PLXNA2: variants seen among roughly 807,000 people sequenced by gnomAD.
PLXNA2 encodes the protein plexin-A2.
Under a neutral mutation model 193.5 loss-of-function variants are expected in PLXNA2, and 91 were observed. The ratio of observed to expected loss-of-function variants is 0.47; its 90% CI spans 0.40 to 0.56. The LOEUF is 0.56. Among genes scored for constraint, PLXNA2 ranks in the 20% least tolerant of loss-of-function variants. The pLI is 0.00. For synonymous variants in PLXNA2, 997 were observed against 1,027.3 expected, an observed-to-expected ratio of 0.97 and a Z score of 0.56; for missense variants, 1,995 against 2,503.2, an observed-to-expected ratio of 0.80 and a Z score of 4.33.
chr1:208,148,446 T>C (rs1350203570), intron 3 of PLXNA2, among the ~76,000 whole-genome samples: 1 of 152,226 alleles, frequency 6.6e-6, no homozygotes, highest in Non-Finnish European at 1.5e-5. Context: ...ATTGGCTGTG[T>C]GACTTCAGGC....
At chr1:208,212,533 G>A (rs1346290059) in intron 2 of PLXNA2, among the ~76,000 whole-genome samples, 1 of 152,242 alleles carries the variant, frequency 6.6e-6, no homozygotes, top group Admixed American at 6.5e-5. Flanking sequence ...TGAAGCTGTG[G>A]TGTGCTGAAG....
chr1:208,114,884 G>A (rs938852602), intron 4 of PLXNA2, among the ~76,000 whole-genome samples: 3 of 152,196 alleles, frequency 2.0e-5, no homozygotes, highest in Admixed American at 6.5e-5. Context: ...TAGAGGGAGC[G>A]GGAGGGAGAT....
chr1:208,148,094 T>A (rs935770378), intron 3 of PLXNA2, among the ~76,000 whole-genome samples: 1 of 152,214 alleles, frequency 6.6e-6, no homozygotes, highest in African/African-American at 2.4e-5. Flanking sequence ...GAAATTAATG[T>A]CAGCTTCTTT....
At chr1:208,073,930 G>A (rs914035066) in intron 12 of PLXNA2, among the ~76,000 whole-genome samples, 9 of 152,090 alleles carry the variant, frequency 5.9e-5, no homozygotes, top group Admixed American at 4.6e-4. Flanking sequence ...CCCTCACAGC[G>A]CTCAGAAGGA....
At chr1:208,097,051 C>T (rs1333735994) in intron 6 of PLXNA2, among the ~76,000 whole-genome samples, 168 bp from the exon 7 acceptor site, 2 of 152,170 alleles carry the variant, frequency 1.3e-5, no homozygotes, top group African/African-American at 4.8e-5. Context: ...AAGTTACAGT[C>T]ATTAATTATT....
At position 208,027,252 on chromosome 1, in the gene PLXNA2, A is replaced by G; in HGVS notation, c.5676T>C (p.Ile1892=). 1 of 1,613,378 alleles carries G rather than the reference A, an allele frequency of 6.2e-7. No homozygotes were observed. Among genetic ancestry groups the G allele is most frequent in the Non-Finnish European group, 8.5e-7 (1 of 1,179,700 alleles). Reference sequence around the variant, plus strand: ...TGCGAGGCTCCTCCTCTCAGCTCTCAATGGACATGGCATTAATGAGCTGCT... The same window carrying G: ...TGCGAGGCTCCTCCTCTCAGCTCTCGATGGACATGGCATTAATGAGCTGCT... ...KVEQLINAMS[I]ES The change falls in exon 32 of 32, where the codon ATT becomes ATC. Residue 1892 remains isoleucine, a synonymous_variant. Coordinates refer to ENST00000367033, the MANE Select transcript of PLXNA2 (RefSeq NM_025179.4).
chr1:208,045,793 A>G (rs1313713320), intron 18 of PLXNA2, 85 bp downstream of exon 18: 2 of 1,520,704 alleles, frequency 1.3e-6, no homozygotes, highest in Non-Finnish European at 1.8e-6. Flanking sequence ...GGAGAGCCAG[A>G]AAGAAAGAAA....
intron 3 of PLXNA2, among the ~76,000 whole-genome samples, chr1:208,195,761 T>C (rs892677176): frequency 6.6e-6 from 1 of 151,342 alleles, no homozygotes; most frequent in Non-Finnish European, 1.5e-5. Flanking sequence ...CAGACATAAA[T>C]ACTGGGGAGG....
intron 8 of PLXNA2, among the ~76,000 whole-genome samples, chr1:208,095,435 C>T (rs1215182774): frequency 2.0e-5 from 3 of 152,218 alleles, no homozygotes; most frequent in African/African-American, 7.2e-5. Context: ...TCAAGCCCCA[C>T]TGAAGGCTGT....
rs938019077 is a variant in PLXNA2 at position 208,038,724 on chromosome 1, G to A, written c.4660+101C>T. The A allele has an allele frequency of 1.6e-6, 2 of 1,277,330 alleles. No homozygotes were observed. Among genetic ancestry groups the A allele is most frequent in the Non-Finnish European group, 2.2e-6 (2 of 895,900 alleles). The allele number at this position is 1,277,330 out of a possible 1,614,324, so 79.1% of individuals were successfully genotyped here. The stretch of plus-strand genomic sequence containing the variant: ...AAGCATTTCACACGGGCCTCAGCTG[G>A]CCAGGACACAGTCATGCCCCTGCAA... On this transcript the variant is annotated intron_variant, in intron 25 of 31. Transcript: ENST00000367033. This position sits in a 1 kb window ranked among gnomAD's most constrained non-coding sequence, Gnocchi z 4.1.
In PLXNA2 at chr1:208,079,469, G is replaced by T. The variant is rs761218175; in HGVS notation, c.2396-19C>A. ...AGATGGACTGCAAAGAGAGCAGGTG[G>T]TCACAGATGAAACCAGAAAGGGCTG... On this transcript the variant is annotated intron_variant, in intron 11 of 31. Transcript: ENST00000367033. 1.3e-6 allele frequency: 2 copies of T among 1,543,434 alleles called. No individual in the cohort carries two copies. Among genetic ancestry groups the T allele is most frequent in the Admixed American group, 3.8e-5 (2 of 53,108 alleles).
intron 3 of PLXNA2, among the ~76,000 whole-genome samples, chr1:208,160,664 T>C (rs1292783617): frequency 1.3e-5 from 2 of 152,236 alleles, no homozygotes; most frequent in Non-Finnish European, 2.9e-5. Context: ...GTCTCCTGAA[T>C]CTTGCCATAA....
intron 1 of PLXNA2, among the ~76,000 whole-genome samples, chr1:208,230,951 G>C (rs1315669335): frequency 1.3e-5 from 2 of 152,168 alleles, no homozygotes; most frequent in East Asian, 3.8e-4. Context: ...TGGAACTCTG[G>C]GCAGAGGTCT....
At chr1:208,029,789 CCTT>C (rs1664445778) in intron 29 of PLXNA2, 1 of 985,424 alleles carries the variant, frequency 1.0e-6, no homozygotes, top group African/African-American at 1.7e-5. Flanking sequence ...TTTCTCTGCT[CCTT>C]AGACCATAAA....
chr1:208,162,963 G>C (rs1669179247), intron 3 of PLXNA2, among the ~76,000 whole-genome samples: 1 of 152,228 alleles, frequency 6.6e-6, no homozygotes, highest in Admixed American at 6.5e-5. Flanking sequence ...TGGGATTATA[G>C]AGGGGCAAAT....
intron 3 of PLXNA2, among the ~76,000 whole-genome samples, chr1:208,163,857 G>T (rs1319143119): frequency 6.6e-6 from 1 of 152,210 alleles, no homozygotes; most frequent in Admixed American, 6.5e-5. Context: ...GCAAGTCGAT[G>T]CTCCATAAAT....
Position 208,029,025 on chromosome 1 carries a change from C to G in PLXNA2, c.5243G>C (p.Trp1748Ser). 1 of 1,614,152 alleles carries G rather than the reference C, an allele frequency of 6.2e-7. No individual in the cohort carries two copies. Among genetic ancestry groups the G allele is most frequent in the Non-Finnish European group, 8.5e-7 (1 of 1,180,030 alleles). Residue 1748 changes from tryptophan (W) to serine (S), a missense_variant, in exon 30 of 32, where the codon TGG (tryptophan) becomes TCG (serine). This residue lies in a region of PLXNA2 where 1,291 missense variants were observed against 1,673.6 expected (regional missense o/e 0.77). Transcript: ENST00000367033. ...CTGGGGGTTCTTAATCACGTTCACCCAGAAGCGCAGAGGGAGGCTGTGGGG... is the reference window on the plus strand; with the variant it reads ...CTGGGGGTTCTTAATCACGTTCACCGAGAAGCGCAGAGGGAGGCTGTGGGG... ...WKSNCLPLRF[W>S]VNVIKNPQFV... is the part of the protein sequence containing the mutation.
At chr1:208,168,369 C>G (rs1318605978) in intron 3 of PLXNA2, among the ~76,000 whole-genome samples, 1 of 152,212 alleles carries the variant, frequency 6.6e-6, no homozygotes, top group Admixed American at 6.5e-5. Context: ...AAACAGGGCA[C>G]TAGAATGCAA....
intron 12 of PLXNA2, among the ~76,000 whole-genome samples, chr1:208,077,164 C>T (rs1666176326): frequency 6.6e-6 from 1 of 152,114 alleles, no homozygotes. Flanking sequence ...GAGTGACCTC[C>T]CCCGAGTGGC....
Sources: allele counts gnomAD v4.1 joint callset (sites outside exome capture counted in the v4.1 genomes callset), GRCh38; gene constraint gnomAD v4.1.1; regional missense constraint gnomAD v4.1.1; non-coding constraint Gnocchi (gnomAD v3.1); transcripts MANE v1.5; gene names NCBI Gene and HGNC (gene_info 2026-07-23, HGNC 2026-07-21).